The following CRPPA variants were observed in gnomAD, a reference collection of about 807,000 sequenced individuals.
The protein encoded by CRPPA is CDP-L-ribitol pyrophosphorylase A.
In CRPPA, 43 loss-of-function variants were observed where a neutral mutation model predicts 52.0. The ratio of observed to expected loss-of-function variants is 0.83; its 90% confidence interval spans 0.65 to 1.07. The LOEUF is 1.07. CRPPA is among the 50% of genes least tolerant of loss of function. The pLI is 0.00. For missense variants in CRPPA, 629 were observed against 551.7 expected (o/e 1.14, Z -1.40); for synonymous variants, 250 against 203.5 (o/e 1.23, Z -1.94).
chr7:16,111,547 G>C (rs1782264706), intron 9 of CRPPA, among the ~76,000 whole-genome samples: 1 of 152,182 alleles, frequency 6.6e-6, no homozygotes, highest in Non-Finnish European at 1.5e-5. Flanking sequence ...CAGATTTATT[G>C]TTTAAGAAGA....
In CRPPA at chr7:16,286,020, CAAAA is replaced by C. The variant is rs1166330678; in HGVS notation, c.836-7798_836-7795del. On this transcript the variant is annotated intron_variant, in intron 5 of 9. Transcript: ENST00000407010. ...AGGCAGTAAGAGTGAAACTCCATCT[CAAAA>C]AAAAAAAAAAAAAAATATAAATATA... Among the ~76,000 whole-genome samples, 50 of 7,230 alleles carry C rather than the reference CAAAA, an allele frequency of 6.9e-3. 1 individual carries two copies. Among genetic ancestry groups the C allele is most frequent in the African/African-American group, 0.013 (32 of 2,484 alleles). The allele number at this position is 7,230 out of a possible 152,430, so 4.7% of individuals were successfully genotyped here. A position where few individuals can be genotyped will look rare whatever the true frequency, so the allele number is the denominator to read the frequency against.
At chr7:16,199,445 T>G (rs532706009) in intron 9 of CRPPA, among the ~76,000 whole-genome samples, 8 of 152,196 alleles carry the variant, frequency 5.3e-5, no homozygotes, top group Non-Finnish European at 8.8e-5. Context: ...AGAATAAAAT[T>G]TTCCCAATAA....
chr7:16,402,113 C>T (rs1257193514), intron 2 of CRPPA, among the ~76,000 whole-genome samples: 1 of 152,118 alleles, frequency 6.6e-6, no homozygotes, highest in Non-Finnish European at 1.5e-5. Context: ...GAAAGTCCCT[C>T]ATTTAAAAGG....
chr7:16,254,130 A>T (rs977496434), intron 8 of CRPPA, among the ~76,000 whole-genome samples: 1 of 152,194 alleles, frequency 6.6e-6, no homozygotes, highest in Non-Finnish European at 1.5e-5. Context: ...ACACTTTTAC[A>T]CTGTTGGTGG....
chr7:16,213,749 C>CAAA (rs11454459), intron 9 of CRPPA, among the ~76,000 whole-genome samples: 1 of 131,932 alleles, frequency 7.6e-6, no homozygotes, highest in African/African-American at 2.8e-5. Flanking sequence ...AACTTCGGCT[C>CAAA]AAAAAAAAAA....
intron 9 of CRPPA, among the ~76,000 whole-genome samples, chr7:16,206,047 A>G (rs1781965374): frequency 6.6e-6 from 1 of 152,178 alleles, no homozygotes; most frequent in Non-Finnish European, 1.5e-5. Context: ...CTCTTCACTG[A>G]AAGGCAACTA....
intron 2 of CRPPA, among the ~76,000 whole-genome samples, chr7:16,387,645 C>T (rs1313180553): frequency 3.3e-5 from 5 of 151,762 alleles, no homozygotes; most frequent in Non-Finnish European, 5.9e-5. Flanking sequence ...TAAAAGATGT[C>T]CAAAATACAA....
At chr7:16,353,844 C>T (rs1786223056) in intron 3 of CRPPA, among the ~76,000 whole-genome samples, 1 of 120,274 alleles carries the variant, frequency 8.3e-6, no homozygotes, top group Non-Finnish European at 1.8e-5. Context: ...AGTGAGACTC[C>T]ATCTCACAAA....
chr7:16,381,172 C>A (rs77771061), intron 2 of CRPPA, among the ~76,000 whole-genome samples: 2 of 152,170 alleles, frequency 1.3e-5, no homozygotes, highest in East Asian at 3.9e-4. Flanking sequence ...ATGAGTCCCA[C>A]AGATTCCGGT....
intron 3 of CRPPA, among the ~76,000 whole-genome samples, chr7:16,356,848 C>G (rs931079599): frequency 2.0e-5 from 3 of 152,124 alleles, no homozygotes; most frequent in African/African-American, 7.2e-5. Flanking sequence ...ACATACTGAG[C>G]ACTGTAAATG....
rs550719584 is a variant in CRPPA at position 16,142,360 on chromosome 7, T to C, written c.1252-50561A>G. On this transcript the variant is annotated intron_variant, in intron 9 of 9. Coordinates refer to ENST00000407010, the MANE Select transcript of CRPPA (RefSeq NM_001101426.4). ...GCTTCCCTCTCTCTGCCCACCTAAC[T>C]TGTACATTAATTTAAATAATGGACC... is the stretch of plus-strand genomic sequence containing the variant. 1.4e-3 allele frequency among the ~76,000 whole-genome samples: 217 copies of C among 152,300 alleles called. 1 individual carries two copies. The highest frequency in any genetic ancestry group is 2.6e-3 in the Non-Finnish European group (178 of 68,018).
At chr7:16,404,212 A>G (rs1195181279) in intron 2 of CRPPA, among the ~76,000 whole-genome samples, 1 of 152,226 alleles carries the variant, frequency 6.6e-6, no homozygotes, top group Non-Finnish European at 1.5e-5. Context: ...TTCCTTAAAC[A>G]AGTTGTAAAG....
Position 16,381,436 on chromosome 7 carries a change from T to G in CRPPA, c.535-5195A>C, listed in dbSNP as rs1195664498. On this transcript the variant is annotated intron_variant, in intron 2 of 9. Coordinates refer to ENST00000407010, the MANE Select transcript of CRPPA (RefSeq NM_001101426.4). ...CTATGTGGTCAATTTTGGAATAGGT[T>G]TGGTGTGGTGCTGAAAAAAATGTAT... 1.3e-4 allele frequency among the ~76,000 whole-genome samples: 19 copies of G among 151,580 alleles called. No individual in the cohort carries two copies. The East Asian group carries it at 3.3e-3, about 26-fold the overall frequency.
intron 9 of CRPPA, among the ~76,000 whole-genome samples, chr7:16,112,694 A>C (rs1016398105): frequency 6.6e-6 from 1 of 152,126 alleles, no homozygotes; most frequent in Admixed American, 6.6e-5. Flanking sequence ...CAATTAATGG[A>C]ACCTTTCTTG....
intron 9 of CRPPA, among the ~76,000 whole-genome samples, chr7:16,109,939 G>A (rs1336926677): frequency 3.3e-5 from 5 of 151,936 alleles, no homozygotes; most frequent in African/African-American, 1.2e-4. Context: ...AATATTGGAA[G>A]TCCCTCCCAT....
At chr7:16,387,066 T>TATATATATATACAC (rs1440813496) in intron 2 of CRPPA, among the ~76,000 whole-genome samples, 8 of 109,068 alleles carry the variant, frequency 7.3e-5, no homozygotes, top group Non-Finnish European at 1.1e-4. Flanking sequence ...TATATATATA[T>TATATATATATACAC]ATATATATAT....
intron 8 of CRPPA, among the ~76,000 whole-genome samples, chr7:16,224,071 T>C (rs915539453): frequency 2.0e-5 from 3 of 152,116 alleles, no homozygotes; most frequent in Non-Finnish European, 4.4e-5. Context: ...CATTTACTCA[T>C]ATAAACTGGT....
intron 8 of CRPPA, among the ~76,000 whole-genome samples, chr7:16,241,946 CTT>C (rs71549979): frequency 0.011 from 620 of 55,406 alleles, 2 homozygotes; most frequent in African/African-American, 0.037. Context: ...AAAATCTATT[CTT>C]TTTTTTTTTT....
intron 9 of CRPPA, among the ~76,000 whole-genome samples, chr7:16,189,751 A>T (rs1167387826): frequency 1.3e-5 from 2 of 152,316 alleles, no homozygotes; most frequent in African/African-American, 2.4e-5. Flanking sequence ...GACTAGCAGT[A>T]ATCACAGAGG....
Sources: allele counts gnomAD v4.1 joint callset (sites outside exome capture counted in the v4.1 genomes callset), GRCh38; gene constraint gnomAD v4.1.1; transcripts MANE v1.5; gene names NCBI Gene and HGNC (gene_info 2026-07-23, HGNC 2026-07-21).